The following NCOR1 variants were observed in gnomAD, a reference collection of about 807,000 sequenced individuals.
The protein encoded by NCOR1 is protein phosphatase 1, regulatory subunit 109.
A neutral mutation model predicts 288.1 loss-of-function variants in NCOR1; 63 were observed. The observed-to-expected ratio is 0.22, with a 90% CI of 0.18 to 0.27. NCOR1 has a LOEUF of 0.27. Among genes scored for constraint, NCOR1 ranks in the 10% least tolerant of loss-of-function variants. The probability of loss-of-function intolerance (pLI) is 1.00; values close to 1 mark genes in which losing one functional copy is unlikely to be tolerated. For synonymous variants in NCOR1, 1,007 were observed against 1,065.9 expected, an observed-to-expected ratio of 0.94 and a Z score of 1.08; for missense variants, 2,397 against 3,019.2, an observed-to-expected ratio of 0.79 and a Z score of 4.83.
chr17:16,048,673 T>G (rs1420240305), intron 41 of NCOR1, among the ~76,000 whole-genome samples, 172 bp downstream of exon 41: 1 of 152,242 alleles, frequency 6.6e-6, no homozygotes, highest in East Asian at 1.9e-4. Flanking sequence ...ATTTTCTTTT[T>G]GCTAAAATAC....
In NCOR1 at chr17:16,086,396, G is replaced by A. The variant is rs546064182; in HGVS notation, c.3063C>T (p.Gly1021=). ...PHQVITNLPE[G]VRLPTTRPTR... ...TTGGTCGAGTTGTCGGAAGCCGAACGCCTTCAGGGAGATTAGTTATCACTT... is the reference window on the plus strand; with the variant it reads ...TTGGTCGAGTTGTCGGAAGCCGAACACCTTCAGGGAGATTAGTTATCACTT... The change falls in exon 23 of 46, where the codon GGC becomes GGT. Residue 1021 remains glycine (G), a synonymous_variant. Transcript: ENST00000268712. 27 of 1,614,100 alleles carry A rather than the reference G, an allele frequency of 1.7e-5. No individual in the cohort carries two copies. Among genetic ancestry groups the A allele is most frequent in the Middle Eastern group, 1.6e-4 (1 of 6,062 alleles).
chr17:16,089,410 TA>T (rs1203590789), intron 22 of NCOR1, among the ~76,000 whole-genome samples: 1 of 152,156 alleles, frequency 6.6e-6, no homozygotes, highest in African/African-American at 2.4e-5. Flanking sequence ...TCAACTCGTA[TA>T]AATGTTACTG....
chr17:16,050,237 T>G (rs1292394086), intron 40 of NCOR1, among the ~76,000 whole-genome samples: 1 of 151,934 alleles, frequency 6.6e-6, no homozygotes, highest in African/African-American at 2.4e-5. Context: ...TTTTTTTTTT[T>G]TTTAAGACAG....
chr17:16,146,038 G>A (rs1374977744), intron 10 of NCOR1, among the ~76,000 whole-genome samples: 1 of 152,126 alleles, frequency 6.6e-6, no homozygotes, highest in East Asian at 1.9e-4. Context: ...GGTCCATTAA[G>A]GGTTAAATGG....
At chr17:16,128,998 G>A (rs1187203066) in intron 14 of NCOR1, among the ~76,000 whole-genome samples, 1 of 152,092 alleles carries the variant, frequency 6.6e-6, no homozygotes, top group Non-Finnish European at 1.5e-5. Context: ...CTCTTTTGGT[G>A]TTATGGAATG....
At chr17:16,082,503 G>A (rs549232189) in intron 23 of NCOR1, among the ~76,000 whole-genome samples, 7 of 152,046 alleles carry the variant, frequency 4.6e-5, no homozygotes, top group Non-Finnish European at 1.0e-4. Flanking sequence ...ATCGCTTGAG[G>A]CCAAGAGTCT....
At chr17:16,113,984 T>C (rs570319597) in intron 18 of NCOR1, among the ~76,000 whole-genome samples, 3 of 151,992 alleles carry the variant, frequency 2.0e-5, no homozygotes, top group Non-Finnish European at 4.4e-5. Context: ...GCATGATCCA[T>C]TATGTATTAG....
chr17:16,077,040 C>T (rs1352867559), intron 26 of NCOR1, among the ~76,000 whole-genome samples: 2 of 152,172 alleles, frequency 1.3e-5, no homozygotes, highest in Non-Finnish European at 2.9e-5. Flanking sequence ...TGACCTCTCT[C>T]TCTACCACTT....
At chr17:16,071,109 T>C (rs2061702393) in intron 30 of NCOR1, among the ~76,000 whole-genome samples, 1 of 151,986 alleles carries the variant, frequency 6.6e-6, no homozygotes, top group African/African-American at 2.4e-5. Context: ...GGCAAAGCCC[T>C]GTCTCTATAA....
intron 7 of NCOR1, among the ~76,000 whole-genome samples, chr17:16,152,746 T>C (rs966833614): frequency 6.6e-6 from 1 of 152,218 alleles, no homozygotes; most frequent in African/African-American, 2.4e-5. Flanking sequence ...TCCACAATGG[T>C]TGAACTAGTT....
At chr17:16,092,658 T>A (rs2065402095) in intron 21 of NCOR1, among the ~76,000 whole-genome samples, 2 of 9,212 alleles carry the variant, frequency 2.2e-4, no homozygotes, top group African/African-American at 1.0e-3. Flanking sequence ...TATATATATA[T>A]ATATATATAT....
chr17:16,149,943 C>A (rs2078596362), intron 8 of NCOR1, among the ~76,000 whole-genome samples: 1 of 152,062 alleles, frequency 6.6e-6, no homozygotes, highest in Non-Finnish European at 1.5e-5. Context: ...AAAATGTATA[C>A]CAACATATGT....
At chr17:16,152,038 C>T (rs1234885822) in intron 7 of NCOR1, 40 bp from the exon 8 acceptor site, 2 of 1,363,166 alleles carry the variant, frequency 1.5e-6, no homozygotes, top group Admixed American at 2.1e-5. Flanking sequence ...AAATGTTGTA[C>T]ATATGTCTAT....
At chr17:16,164,276 A>T (rs1403912675) in intron 5 of NCOR1, among the ~76,000 whole-genome samples, 1 of 151,016 alleles carries the variant, frequency 6.6e-6, no homozygotes, top group Non-Finnish European at 1.5e-5. Flanking sequence ...AAATGCACTT[A>T]GTCTACACTT....
intron 1 of NCOR1, among the ~76,000 whole-genome samples, chr17:16,209,650 A>AT (rs1337139850): frequency 1.3e-5 from 2 of 151,626 alleles, no homozygotes; most frequent in African/African-American, 4.8e-5. Flanking sequence ...AAAAAAAAAA[A>AT]AACCATAAAG....
chr17:16,194,430 CAT>C (rs944406231), intron 2 of NCOR1, 30 bp downstream of exon 2: 12 of 1,400,496 alleles, frequency 8.6e-6, no homozygotes, highest in African/African-American at 2.8e-5. Flanking sequence ...ACACAAAAAA[CAT>C]GTGCAATTTG....
intron 23 of NCOR1, chr17:16,083,896 A>G (rs1006871322): frequency 2.0e-5 from 3 of 152,050 alleles, no homozygotes; most frequent in Non-Finnish European, 4.4e-5. Context: ...AACATGTTTC[A>G]ACTCCTGCAA....
At chr17:16,123,476 T>G (rs1406930380) in intron 15 of NCOR1, among the ~76,000 whole-genome samples, 1 of 152,228 alleles carries the variant, frequency 6.6e-6, no homozygotes, top group African/African-American at 2.4e-5. Flanking sequence ...TCTAGCAGGA[T>G]AGCTTTGGCA....
intron 11 of NCOR1, among the ~76,000 whole-genome samples, chr17:16,139,614 T>G (rs956854579): frequency 3.9e-5 from 6 of 152,150 alleles, no homozygotes; most frequent in African/African-American, 1.4e-4. Context: ...GAACAATAAA[T>G]AGAAAAATAA....
Sources: gnomAD v4.1 joint callset for allele counts (sites outside exome capture counted in the v4.1 genomes callset) on GRCh38, gnomAD v4.1.1 for gene constraint, MANE v1.5 for transcripts, NCBI Gene and HGNC (gene_info 2026-07-23, HGNC 2026-07-21) for gene names.